SLC36A1: variants seen among roughly 807,000 people sequenced by gnomAD.
The protein encoded by SLC36A1 is proton-coupled amino acid transporter 1.
Under a neutral mutation model 47.5 loss-of-function variants are expected in SLC36A1, and 30 were observed. That is an observed-to-expected ratio of 0.63 (90% CI 0.47 to 0.86). SLC36A1 has a LOEUF of 0.86. Ranked by LOEUF, SLC36A1 falls within the 40% of genes least tolerant of loss-of-function variation. The pLI is 0.00. For missense variants in SLC36A1, 517 were observed against 606.0 expected (o/e 0.85, Z 1.54); for synonymous variants, 255 against 249.7 (o/e 1.02, Z -0.20).
the SLC36A1 span, chr5:151,542,979 C>A: frequency 6.2e-7 from 1 of 1,614,192 alleles, no homozygotes. Context: ...CTTGAGCTGC[C>A]ACTGCTTTAA....
At chr5:151,530,805 A>G in the SLC36A1 span, among the ~76,000 whole-genome samples, 1 of 152,204 alleles carries the variant, frequency 6.6e-6, no homozygotes, top group Admixed American at 6.5e-5. Context: ...CCAAAGGGTA[A>G]AGAGGAAACC....
intron 1 of SLC36A1, among the ~76,000 whole-genome samples, chr5:151,456,592 A>G (rs1198035449): frequency 1.3e-5 from 2 of 152,072 alleles, no homozygotes; most frequent in African/African-American, 4.8e-5. Context: ...TAATTGCCCC[A>G]GAGCTGGTTG....
At chr5:151,423,683 G>A in the SLC36A1 span, among the ~76,000 whole-genome samples, 6 of 152,220 alleles carry the variant, frequency 3.9e-5, no homozygotes, top group East Asian at 9.6e-4. Flanking sequence ...GGCAGTGAAA[G>A]TACTTTGTAT....
At chr5:151,463,414 G>A in intron 2 of SLC36A1, 139 bp from the exon 3 acceptor site, 2 of 711,658 alleles carry the variant, frequency 2.8e-6, no homozygotes, top group East Asian at 2.7e-5. Context: ...GTGACCTTGA[G>A]CAAACTGCTT....
Position 151,488,186 on chromosome 5 carries a change from G to A in SLC36A1, c.1363G>A (p.Ala455Thr), listed in dbSNP as rs764971918. 5 of 1,614,158 alleles carry A rather than the reference G, an allele frequency of 3.1e-6. No homozygotes were observed. Among genetic ancestry groups the A allele is most frequent in the Non-Finnish European group, 4.2e-6 (5 of 1,180,012 alleles). ...FVGFVVGTYEALYELIQPSNA... is the reference protein window; with the variant it reads ...FVGFVVGTYETLYELIQPSNA... Reference sequence around the variant, plus strand: ...GGGCTTTGTGGTGGGGACCTATGAGGCTCTCTATGAGCTGATCCAGCCAAG... The same window carrying A: ...GGGCTTTGTGGTGGGGACCTATGAGACTCTCTATGAGCTGATCCAGCCAAG... The change falls in exon 11 of 11, where the codon GCT becomes ACT. Residue 455 changes from alanine to threonine, a missense_variant. Coordinates refer to ENST00000243389, the MANE Select transcript of SLC36A1 (RefSeq NM_078483.4).
intron 1 of SLC36A1, among the ~76,000 whole-genome samples, chr5:151,457,632 G>A (rs1754760454): frequency 6.6e-6 from 1 of 152,122 alleles, no homozygotes; most frequent in African/African-American, 2.4e-5. Flanking sequence ...CCTCTGAGCT[G>A]CTTTCAGCTA....
At chr5:151,357,958 G>A in the SLC36A1 span, among the ~76,000 whole-genome samples, 11 of 152,336 alleles carry the variant, frequency 7.2e-5, no homozygotes, top group African/African-American at 1.9e-4. Context: ...GACCAGAATA[G>A]GTTCAGAGAG....
chr5:151,429,972 C>G, the SLC36A1 span, among the ~76,000 whole-genome samples: 2 of 152,120 alleles, frequency 1.3e-5, no homozygotes, highest in Non-Finnish European at 2.9e-5. Context: ...GATCTTCCCT[C>G]CTGTGTAATT....
At chr5:151,542,224 C>T in the SLC36A1 span, 6 of 1,493,118 alleles carry the variant, frequency 4.0e-6, no homozygotes, top group African/African-American at 5.6e-5. Flanking sequence ...TTTTAGGGCA[C>T]CTCTTCCTGG....
At chr5:151,454,637 G>T (rs1428449570) in intron 1 of SLC36A1, among the ~76,000 whole-genome samples, 1 of 150,750 alleles carries the variant, frequency 6.6e-6, no homozygotes, top group Admixed American at 6.6e-5. Flanking sequence ...CAGCCCTCTT[G>T]ACTCTCCACG....
chr5:151,535,030 A>G, the SLC36A1 span, among the ~76,000 whole-genome samples: 1 of 139,364 alleles, frequency 7.2e-6, no homozygotes, highest in South Asian at 2.4e-4. Context: ...CAACCCAAAG[A>G]TAAAAATCTA....
At chr5:151,530,091 A>G in the SLC36A1 span, among the ~76,000 whole-genome samples, 1 of 152,220 alleles carries the variant, frequency 6.6e-6, no homozygotes, top group African/African-American at 2.4e-5. Context: ...ATGAAAAGGT[A>G]TATCTATCTA....
chr5:151,408,477 G>A, the SLC36A1 span, among the ~76,000 whole-genome samples: 1 of 152,054 alleles, frequency 6.6e-6, no homozygotes. Context: ...GTGAACCACC[G>A]TGCCTGGCCA....
chr5:151,524,175 A>G, the SLC36A1 span, among the ~76,000 whole-genome samples: 1 of 152,056 alleles, frequency 6.6e-6, no homozygotes, highest in East Asian at 1.9e-4. Context: ...AAACCCTCCA[A>G]CCACCTCTCA....
At chr5:151,521,904 C>T in the SLC36A1 span, 134 of 1,613,854 alleles carry the variant, frequency 8.3e-5, 1 homozygote, top group Admixed American at 6.8e-4. Context: ...TATAGGTCAG[C>T]GTGTCCTGGG....
chr5:151,532,388 A>AAC, the SLC36A1 span, among the ~76,000 whole-genome samples: 379 of 150,488 alleles, frequency 2.5e-3, 3 homozygotes, highest in East Asian at 0.017. Flanking sequence ...TGCGTGTACA[A>AAC]ACACACACAC....
the SLC36A1 span, chr5:151,540,496 T>G: frequency 7.0e-7 from 1 of 1,429,030 alleles, no homozygotes; most frequent in Non-Finnish European, 9.6e-7. Context: ...CTCCTCACTC[T>G]CTGTTCTCCC....
the SLC36A1 span, among the ~76,000 whole-genome samples, chr5:151,416,530 G>C: frequency 6.6e-6 from 1 of 152,104 alleles, no homozygotes; most frequent in East Asian, 1.9e-4. Flanking sequence ...GATTTATTTT[G>C]CACTATGAGA....
At chr5:151,374,882 C>T in the SLC36A1 span, among the ~76,000 whole-genome samples, 24 of 148,174 alleles carry the variant, frequency 1.6e-4, no homozygotes, top group Non-Finnish European at 3.6e-4. Context: ...CATTTGGCAA[C>T]TTTCTAATGG....
Sources: allele counts gnomAD v4.1 joint callset (sites outside exome capture counted in the v4.1 genomes callset), GRCh38; gene constraint gnomAD v4.1.1; transcripts MANE v1.5; gene names NCBI Gene and HGNC (gene_info 2026-07-23, HGNC 2026-07-21).